The following CPVL variants were observed in gnomAD, a reference collection of about 807,000 sequenced individuals.
The protein encoded by CPVL is carboxypeptidase vitellogenic like, also known as probable serine carboxypeptidase CPVL.
A neutral mutation model predicts 63.7 loss-of-function variants in CPVL; 51 were observed. The observed-to-expected ratio is 0.80, with a 90% confidence interval of 0.64 to 1.01. The LOEUF (loss-of-function observed/expected upper bound fraction) is 1.01. CPVL is among the 50% of genes least tolerant of loss of function. The pLI is 0.00. For missense variants in CPVL, 530 were observed against 573.1 expected (o/e 0.92, Z 0.77); for synonymous variants, 195 against 206.0 (o/e 0.95, Z 0.46).
rs1787919812 is a variant in CPVL, at chr7:29,030,521, T to C, written c.1320+56A>G. On this transcript the variant is annotated intron_variant, in intron 12 of 12. Transcript: ENST00000265394. ...ATGTCTCATTGCTATTCAGGCTTTATTTTCAATCCCGCTCTCCCATTCCCA... is the reference window on the plus strand; with the variant it reads ...ATGTCTCATTGCTATTCAGGCTTTACTTTCAATCCCGCTCTCCCATTCCCA... 1.9e-6 allele frequency: 3 copies of C among 1,542,820 alleles called. No individual in the cohort carries two copies. In the South Asian group the frequency reaches 3.7e-5, roughly 19 times the overall value.
At chr7:29,134,305 T>C (rs2128661639) in intron 1 of CPVL, among the ~76,000 whole-genome samples, 1 of 152,332 alleles carries the variant, frequency 6.6e-6, no homozygotes, top group South Asian at 2.1e-4. Context: ...ATGAAGCATG[T>C]TGAATCCACC....
chr7:29,141,934 G>C (rs1040981044), intron 1 of CPVL, among the ~76,000 whole-genome samples: 2 of 151,816 alleles, frequency 1.3e-5, no homozygotes, highest in African/African-American at 4.8e-5. Context: ...AAAAGTAGCT[G>C]TTGCCTTGTG....
intron 12 of CPVL, among the ~76,000 whole-genome samples, chr7:29,007,758 C>T (rs1425100164): frequency 1.3e-5 from 2 of 151,812 alleles, no homozygotes; most frequent in Non-Finnish European, 2.9e-5. Flanking sequence ...TTAAAACACA[C>T]ACACACACAC....
At chr7:29,013,824 C>T (rs910100421) in intron 12 of CPVL, among the ~76,000 whole-genome samples, 2 of 152,228 alleles carry the variant, frequency 1.3e-5, no homozygotes, top group Non-Finnish European at 2.9e-5. Context: ...AGCTGCCTTT[C>T]CCAAGATGAT....
rs143232334 is a variant in CPVL at position 29,019,870 on chromosome 7, T to C, written c.1320+10707A>G. Reference sequence around the variant, plus strand: ...TTTGCCAACATTTTAAAATCACCTATACAAAATGCAGATCCCTTGCTGCGT... The same window carrying C: ...TTTGCCAACATTTTAAAATCACCTACACAAAATGCAGATCCCTTGCTGCGT... On this transcript the variant is annotated intron_variant, in intron 12 of 12. Transcript: ENST00000265394. Among the ~76,000 whole-genome samples the C allele has an allele frequency of 1.6e-3, 239 of 152,318 alleles. 1 individual carries two copies. The highest frequency in any genetic ancestry group is 5.3e-3 in the African/African-American group (220 of 41,574).
At chr7:29,139,474 T>C (rs1283765163) in intron 1 of CPVL, among the ~76,000 whole-genome samples, 4 of 149,168 alleles carry the variant, frequency 2.7e-5, no homozygotes, top group Admixed American at 6.7e-5. Flanking sequence ...GCCCTGAACC[T>C]ACACATTTCT....
rs1029264883 is a variant in CPVL at position 29,195,083 on chromosome 7, C to T, written c.-454G>A. ...TGGGATGGACAGAGCCTACCTGTGG[C>T]CATCCCGCCCGCTCTCTCGGAATGG... On this transcript the variant is annotated 5_prime_UTR_variant, in exon 1 of 17. Coordinates refer to the CPVL transcript ENST00000409850. The T allele has an allele frequency of 1.9e-5, 25 of 1,348,692 alleles. No individual in the cohort carries two copies. In the South Asian group the frequency reaches 2.3e-4, roughly 12 times the overall value. 83.5% of individuals were successfully genotyped at this position (1,348,692 alleles called of 1,614,324 possible).
chr7:29,194,905 G>T (rs758717535), intron 1 of CPVL: 1 of 1,510,632 alleles, frequency 6.6e-7, no homozygotes, highest in South Asian at 1.3e-5. Flanking sequence ...CGTCCGCACC[G>T]GGGCTGAGCG....
intron 3 of CPVL, among the ~76,000 whole-genome samples, chr7:29,108,354 A>AT (rs1374024514): frequency 4.6e-5 from 7 of 152,082 alleles, no homozygotes; most frequent in East Asian, 1.9e-4. Flanking sequence ...AATACTAGCT[A>AT]TTTTTTTTCC....
intron 7 of CPVL, among the ~76,000 whole-genome samples, chr7:29,084,100 A>G (rs1784990663): frequency 6.6e-6 from 1 of 152,170 alleles, no homozygotes; most frequent in African/African-American, 2.4e-5. Flanking sequence ...GATACTCAAT[A>G]TATCTGTGCT....
chr7:29,084,282 T>C (rs1182152161), intron 7 of CPVL, among the ~76,000 whole-genome samples: 1 of 152,230 alleles, frequency 6.6e-6, no homozygotes, highest in Admixed American at 6.5e-5. Flanking sequence ...TCCTTGAACC[T>C]GCCAAGCCTG....
chr7:28,994,822 A>G (rs1273171567), downstream of CPVL, among the ~76,000 whole-genome samples: 2 of 152,374 alleles, frequency 1.3e-5, no homozygotes, highest in Admixed American at 1.3e-4. Context: ...GAGCCAGTTC[A>G]TAGATGGGTA....
chr7:29,195,020 C>T (rs754019603), intron 1 of CPVL: 7 of 1,579,562 alleles, frequency 4.4e-6, no homozygotes, highest in Non-Finnish European at 5.1e-6. Context: ...GCGCTGCTGC[C>T]GCGCCGGGTC....
chr7:29,117,170 A>G (rs1425828094), intron 2 of CPVL, among the ~76,000 whole-genome samples: 1 of 152,248 alleles, frequency 6.6e-6, no homozygotes. Flanking sequence ...CACAGATTTA[A>G]TATTTTAAAT....
intron 11 of CPVL, among the ~76,000 whole-genome samples, chr7:29,052,149 G>A (rs114281558): frequency 0.052 from 7,843 of 151,804 alleles, 230 homozygotes; most frequent in Non-Finnish European, 0.07. Flanking sequence ...GGGGAAGATG[G>A]GAGGGTGGTA....
At chr7:29,117,578 T>C (rs1184779216) in intron 2 of CPVL, among the ~76,000 whole-genome samples, 1 of 152,150 alleles carries the variant, frequency 6.6e-6, no homozygotes, top group Non-Finnish European at 1.5e-5. Context: ...TCAGAGCTGC[T>C]CATATAGCAT....
At chr7:29,171,438 A>G (rs1584539002) in intron 5 of CPVL, among the ~76,000 whole-genome samples, 1 of 152,188 alleles carries the variant, frequency 6.6e-6, no homozygotes, top group South Asian at 2.1e-4. Flanking sequence ...ACTTGTTAGA[A>G]GGAGCGCCAC....
chr7:29,117,897 G>C (rs1788936582), intron 2 of CPVL, among the ~76,000 whole-genome samples: 1 of 152,154 alleles, frequency 6.6e-6, no homozygotes, highest in South Asian at 2.1e-4. Flanking sequence ...CTAAATGTTA[G>C]CTACTTATTA....
chr7:29,068,062 T>A (rs1384300324), intron 9 of CPVL, among the ~76,000 whole-genome samples: 1 of 151,342 alleles, frequency 6.6e-6, no homozygotes, highest in East Asian at 1.9e-4. Context: ...TGGAGTGCAG[T>A]GGTGAGATCT....
Sources: gnomAD v4.1 joint callset for allele counts (sites outside exome capture counted in the v4.1 genomes callset) on GRCh38, gnomAD v4.1.1 for gene constraint, MANE v1.5 for transcripts, NCBI Gene and HGNC (gene_info 2026-07-23, HGNC 2026-07-21) for gene names.